Variants in SYCE1 observed in about 807,000 individuals in gnomAD.
SYCE1 encodes the protein cancer/testis antigen 76.
SYCE1 carries 37 observed loss-of-function variants against 55.1 expected under a neutral mutation model. That is an observed-to-expected ratio of 0.67 (90% CI 0.52 to 0.88). The LOEUF is 0.88. Ranked by LOEUF, SYCE1 falls within the 40% of genes least tolerant of loss-of-function variation. The probability of loss-of-function intolerance (pLI) is 0.00; values close to 1 mark genes in which losing one functional copy is unlikely to be tolerated. For missense variants in SYCE1, 399 were observed against 416.4 expected (o/e 0.96, Z 0.36); for synonymous variants, 163 against 159.4 (o/e 1.02, Z -0.17).
chr10:133,564,481 G>C, intron 1 of SYCE1: 1 of 963,082 alleles, frequency 1.0e-6, no homozygotes, highest in African/African-American at 1.8e-5. Flanking sequence ...GGTGCTTAAT[G>C]AAAGGGATAC....
upstream of SYCE1, among the ~76,000 whole-genome samples, chr10:133,567,544 A>G (rs1851976837): frequency 6.6e-6 from 1 of 152,038 alleles, no homozygotes; most frequent in South Asian, 2.1e-4. Flanking sequence ...TCTTCTGGGC[A>G]GGTGGTTAGC....
At chr10:133,556,650 G>C (rs1851690124) in intron 8 of SYCE1, 109 bp downstream of exon 8, 1 of 1,146,320 alleles carries the variant, frequency 8.7e-7, no homozygotes, top group Non-Finnish European at 1.3e-6. Context: ...AGCACCACCA[G>C]GGCTTGCTTG....
intron 2 of SYCE1, 68 bp from the exon 3 acceptor site, chr10:133,559,428 T>A (rs1404811506): frequency 3.4e-6 from 5 of 1,478,642 alleles, no homozygotes; most frequent in Non-Finnish European, 4.7e-6. Flanking sequence ...GCCTTGTGTC[T>A]CTGCTGCTTT....
chr10:133,557,230 C>T (rs1436076836), intron 6 of SYCE1, 74 bp from the exon 7 acceptor site: 1 of 1,277,484 alleles, frequency 7.8e-7, no homozygotes, highest in Non-Finnish European at 1.1e-6. Flanking sequence ...GCTTCTGCCT[C>T]CCTCTATTGA....
Position 133,565,568 on chromosome 10 carries a change from G to T in SYCE1, c.-39C>A, listed in dbSNP as rs1851913185. 3.2e-6 allele frequency: 5 copies of T among 1,540,468 alleles called. No homozygotes were observed. Among genetic ancestry groups the T allele is most frequent in the Non-Finnish European group, 3.5e-6 (4 of 1,142,056 alleles). ...GCCAGCGAGGGTGCCTCGGGAGGGA[G>T]CCTCCAGTGGTGATTGGAGCAACCG... is the stretch of plus-strand genomic sequence containing the variant. On this transcript the variant is annotated 5_prime_UTR_variant, in exon 1 of 13. Coordinates refer to ENST00000343131, the MANE Select transcript of SYCE1 (RefSeq NM_001143764.3).
intron 8 of SYCE1, chr10:133,556,522 C>G (rs1026494451): frequency 2.0e-5 from 12 of 586,596 alleles, no homozygotes; most frequent in Non-Finnish European, 3.7e-5. Context: ...TGGTCCCAGA[C>G]ACATCCACGG....
chr10:133,559,639 G>T, intron 2 of SYCE1: 2 of 464,940 alleles, frequency 4.3e-6, no homozygotes, highest in Non-Finnish European at 7.8e-6. Context: ...TGAGATATGG[G>T]AAGGGACCTG....
chr10:133,565,336 C>T, intron 1 of SYCE1, 121 bp downstream of exon 1: 1 of 907,654 alleles, frequency 1.1e-6, no homozygotes, highest in Non-Finnish European at 1.5e-6. Context: ...AAGAAACCCG[C>T]TAAGTCTCAA....
chr10:133,562,260 AATGTGTGTGTGTGTGTGT>A (rs1248112458), intron 1 of SYCE1, among the ~76,000 whole-genome samples: 3 of 121,986 alleles, frequency 2.5e-5, no homozygotes, highest in East Asian at 5.1e-4. Flanking sequence ...GCTAACATCC[AATGTGTGTGTGTGTGTGT>A]GTGTGTGTGT....
At chr10:133,564,453 C>T in intron 1 of SYCE1, 1 of 985,262 alleles carries the variant, frequency 1.0e-6, no homozygotes. Flanking sequence ...GAAAGGCTAG[C>T]ACACCGGCGG....
At chr10:133,568,120 G>A (rs188775566), upstream of SYCE1, 4 of 778,960 alleles carry the variant, frequency 5.1e-6, no homozygotes, top group Admixed American at 2.1e-5. Context: ...CCAGGGCACT[G>A]AGGGCGCCAC....
chr10:133,559,013 C>T (rs570406600), intron 3 of SYCE1, 62 bp from the exon 4 acceptor site: 3 of 1,509,404 alleles, frequency 2.0e-6, no homozygotes, highest in Non-Finnish European at 2.7e-6. Flanking sequence ...CCAACAGTGA[C>T]ATTTCTCATT....
chr10:133,554,266 G>A, downstream of SYCE1: 1 of 1,612,148 alleles, frequency 6.2e-7, no homozygotes. Context: ...CATGGAAACA[G>A]TGCTCTGCAG....
chr10:133,568,228 A>G, upstream of SYCE1: 1 of 1,333,878 alleles, frequency 7.5e-7, no homozygotes, highest in Non-Finnish European at 1.0e-6. Flanking sequence ...GCCTCCGGGA[A>G]CCCAGTCCTC....
intron 4 of SYCE1, 134 bp downstream of exon 4, chr10:133,558,743 G>T: frequency 1.2e-6 from 1 of 822,600 alleles, no homozygotes; most frequent in South Asian, 1.6e-5. Flanking sequence ...AGGAGAGGGG[G>T]AGATTGGCAG....
At chr10:133,559,139 G>T in intron 3 of SYCE1, 162 bp downstream of exon 3, 1 of 904,848 alleles carries the variant, frequency 1.1e-6, no homozygotes. Context: ...TGTAACTATG[G>T]CAGTCGCATG....
upstream of SYCE1, chr10:133,568,018 G>C (rs1287056004): frequency 1.6e-6 from 1 of 607,234 alleles, no homozygotes; most frequent in Non-Finnish European, 3.1e-6. Flanking sequence ...AGGGAGGAAG[G>C]GGGAGCCCAG....
In SYCE1 at chr10:133,561,371, T is replaced by C. The variant is rs369348970; in HGVS notation, c.74-1218A>G. The stretch of plus-strand genomic sequence containing the variant: ...AAACTAATATGACAAGTTGCTGAGT[T>C]CTGGAAGTCCCCCATCCAGGGAATC... On this transcript the variant is annotated intron_variant, in intron 1 of 12. Transcript: ENST00000343131. Among the ~76,000 whole-genome samples the C allele has an allele frequency of 2.6e-5, 4 of 152,350 alleles. No homozygotes were observed. In the South Asian group the frequency reaches 6.2e-4, roughly 24 times the overall value.
At chr10:133,555,302 T>C in intron 12 of SYCE1, 49 bp downstream of exon 12, 2 of 1,610,266 alleles carry the variant, frequency 1.2e-6, no homozygotes, top group Non-Finnish European at 1.7e-6. Context: ...CCTTCCGCTG[T>C]CCCTTCAGTA....
Sources: gnomAD v4.1 joint callset for allele counts (sites outside exome capture counted in the v4.1 genomes callset) on GRCh38, gnomAD v4.1.1 for gene constraint, MANE v1.5 for transcripts, NCBI Gene and HGNC (gene_info 2026-07-23, HGNC 2026-07-21) for gene names.